CPS1: variants seen among roughly 807,000 people sequenced by gnomAD.
The protein encoded by CPS1 is carbamoyl-phosphate synthase 1.
In CPS1, 109 loss-of-function variants were observed where a neutral mutation model predicts 174.6. That is an observed-to-expected ratio of 0.62 (90% CI 0.53 to 0.73). The LOEUF is 0.73. Among genes scored for constraint, CPS1 ranks in the 30% least tolerant of loss-of-function variants. The probability of loss-of-function intolerance (pLI) is 0.00; values close to 1 mark genes in which losing one functional copy is unlikely to be tolerated. For synonymous variants in CPS1, 637 were observed against 632.0 expected (o/e 1.01, Z -0.12); for missense variants, 1,689 against 1,821.9 (o/e 0.93, Z 1.33).
Position 210,615,609 on chromosome 2 carries a change from C to T in CPS1, c.2569-814C>T, listed in dbSNP as rs972658791. Among the ~76,000 whole-genome samples the T allele has an allele frequency of 4.6e-5, 7 of 151,980 alleles. No homozygotes were observed. The South Asian group carries it at 8.3e-4, about 18-fold the overall frequency. On this transcript the variant is annotated intron_variant, in intron 20 of 37. Transcript: ENST00000233072. ...ATATACACGTACACATACACACATA[C>T]AAGAATAAGAGTAGACATCTTTTTG...
chr2:210,606,159 A>G (rs890338518), intron 17 of CPS1, among the ~76,000 whole-genome samples: 1 of 151,914 alleles, frequency 6.6e-6, no homozygotes, highest in Admixed American at 6.6e-5. Flanking sequence ...AAGGAATTAC[A>G]TGGTATCAAG....
upstream of CPS1, chr2:210,555,529 C>A: frequency 2.3e-6 from 1 of 439,070 alleles, no homozygotes; most frequent in Non-Finnish European, 4.6e-6. Flanking sequence ...AGCGTGAGGA[C>A]TTAAATTAAA....
chr2:210,502,155 T>C (rs12694200), intron 1 of CPS1, among the ~76,000 whole-genome samples: 127,092 of 151,740 alleles, frequency 0.84, 54,164 homozygotes, highest in Non-Finnish European at 0.92. Flanking sequence ...ATTCAATTAT[T>C]TCCACCTGGT....
intron 21 of CPS1, chr2:210,631,319 C>T (rs1175786422): frequency 6.6e-6 from 1 of 152,118 alleles, no homozygotes; most frequent in East Asian, 1.9e-4. Flanking sequence ...GAATTTATTC[C>T]ATTTCCTTTT....
intron 1 of CPS1, among the ~76,000 whole-genome samples, chr2:210,546,155 T>A (rs989582418): frequency 2.6e-5 from 4 of 152,070 alleles, no homozygotes; most frequent in African/African-American, 9.7e-5. Context: ...TCCAGACTTA[T>A]TTTTATTCTC....
At chr2:210,526,561 A>G (rs1695977525) in intron 1 of CPS1, among the ~76,000 whole-genome samples, 1 of 151,862 alleles carries the variant, frequency 6.6e-6, no homozygotes, top group African/African-American at 2.4e-5. Context: ...TTATGAATGA[A>G]AAGCACCTAG....
At chr2:210,599,293 C>A in intron 13 of CPS1, 79 bp from the exon 14 acceptor site, 3 of 1,336,512 alleles carry the variant, frequency 2.2e-6, no homozygotes, top group Admixed American at 1.7e-5. Flanking sequence ...CTTAGTTACC[C>A]CATGTCTTTT....
chr2:210,542,641 C>T (rs1419484290), intron 1 of CPS1, among the ~76,000 whole-genome samples: 2 of 151,954 alleles, frequency 1.3e-5, no homozygotes, highest in African/African-American at 4.8e-5. Context: ...TACTCTTTCT[C>T]TCATGCAAAT....
intron 1 of CPS1, among the ~76,000 whole-genome samples, chr2:210,512,621 G>T (rs1695528082): frequency 6.6e-6 from 1 of 150,556 alleles, no homozygotes; most frequent in East Asian, 2.0e-4. Flanking sequence ...GGGCACCTAG[G>T]TTGATTCCAT....
At chr2:210,590,963 C>T in intron 9 of CPS1, 57 bp downstream of exon 9, 2 of 1,351,628 alleles carry the variant, frequency 1.5e-6, no homozygotes, top group Non-Finnish European at 2.1e-6. Flanking sequence ...TAACTAAATA[C>T]AAAGAACTCA....
At chr2:210,620,362 T>C (rs1699468204) in intron 21 of CPS1, among the ~76,000 whole-genome samples, 1 of 152,032 alleles carries the variant, frequency 6.6e-6, no homozygotes, top group Non-Finnish European at 1.5e-5. Flanking sequence ...ACCCTTCTCT[T>C]TGAAGGGGAG....
chr2:210,538,479 A>AATTTTTC (rs1433282576), intron 1 of CPS1, among the ~76,000 whole-genome samples: 18 of 152,050 alleles, frequency 1.2e-4, no homozygotes, highest in African/African-American at 4.3e-4. Flanking sequence ...TATACATTTT[A>AATTTTTC]ATTTTAATCC....
intron 21 of CPS1, among the ~76,000 whole-genome samples, chr2:210,624,482 T>C (rs1486724230): frequency 6.6e-6 from 1 of 152,050 alleles, no homozygotes; most frequent in African/African-American, 2.4e-5. Flanking sequence ...CTTATTTCTT[T>C]GTAAGAGAAG....
In CPS1 at chr2:210,616,481, G is replaced by T. The variant is rs1699309985; in HGVS notation, c.2627G>T (p.Trp876Leu). ...EIEKLTYIDK[W>L]FLYKMRDILN... ...GAGAAGCTCACATACATTGACAAGT[G>T]GTTTTTGTATAAGATGCGTGATATT... The change falls in exon 21 of 38, where the codon TGG becomes TTG. Residue 876 changes from tryptophan to leucine, a missense_variant. Coordinates refer to ENST00000233072, the MANE Select transcript of CPS1 (RefSeq NM_001875.5). 6.2e-7 allele frequency: 1 copy of T among 1,612,266 alleles called. No homozygotes were observed. The highest frequency in any genetic ancestry group is 8.5e-7 in the Non-Finnish European group (1 of 1,178,854).
Position 210,556,765 on chromosome 2 carries a change from T to C in CPS1, c.32T>C (p.Val11Ala), listed in dbSNP as rs1429079893. The change falls in exon 1 of 38, where the codon GTG becomes GCG. Residue 11 changes from valine (V) to alanine (A), a missense_variant. Coordinates refer to ENST00000233072, the MANE Select transcript of CPS1 (RefSeq NM_001875.5). ...AGGATTTTGACAGCTTTCAAAGTGG[T>C]GAGGACACTGAAGACTGGTTTTGGC... The part of the protein sequence containing the change: MTRILTAFKV[V>A]RTLKTGFGFT... 2.5e-6 allele frequency: 4 copies of C among 1,612,880 alleles called. No homozygotes were observed. The African/African-American group carries it at 5.3e-5, about 22-fold the overall frequency.
chr2:210,632,730 A>G lies in CPS1; in HGVS notation c.2688-4972A>G, dbSNP rs1699907101. Reference sequence around the variant, plus strand: ...GGAGGATTGCTAAGTGTTTTGCACTATTTCATGATCATGTCTAAAGAGCAG... The same window carrying G: ...GGAGGATTGCTAAGTGTTTTGCACTGTTTCATGATCATGTCTAAAGAGCAG... On this transcript the variant is annotated intron_variant, in intron 21 of 37. Transcript: ENST00000233072. Among the ~76,000 whole-genome samples, 4 of 152,206 alleles carry G rather than the reference A, an allele frequency of 2.6e-5. No homozygotes were observed. The South Asian group carries it at 8.3e-4, about 32-fold the overall frequency.
chr2:210,509,614 T>C (rs772612344), intron 1 of CPS1, among the ~76,000 whole-genome samples: 23 of 152,216 alleles, frequency 1.5e-4, no homozygotes, highest in Non-Finnish European at 3.4e-4. Flanking sequence ...GATGATGTGA[T>C]AGTATATCTA....
chr2:210,613,498 C>T (rs1157394473), intron 20 of CPS1, among the ~76,000 whole-genome samples: 1 of 151,436 alleles, frequency 6.6e-6, no homozygotes, highest in Non-Finnish European at 1.5e-5. Flanking sequence ...GCCATTTCAC[C>T]TTCATCATTT....
At chr2:210,652,717 G>T (rs114019479) in intron 28 of CPS1, among the ~76,000 whole-genome samples, 2,291 of 152,308 alleles carry the variant, frequency 0.015, 26 homozygotes, top group Non-Finnish European at 0.025. Flanking sequence ...AAAGGCAAGG[G>T]TTATTATAAT....
Sources: allele counts gnomAD v4.1 joint callset (sites outside exome capture counted in the v4.1 genomes callset), GRCh38; gene constraint gnomAD v4.1.1; transcripts MANE v1.5; gene names NCBI Gene and HGNC (gene_info 2026-07-23, HGNC 2026-07-21).